The following LRCH1 variants were observed in gnomAD, a reference collection of about 807,000 sequenced individuals.
LRCH1 encodes the protein leucine rich repeats and calponin homology domain containing 1, also known as leucine-rich repeat and calponin homology domain-containing protein 1.
Under a neutral mutation model 94.9 loss-of-function variants are expected in LRCH1, and 23 were observed. That is an observed-to-expected ratio of 0.24 (90% CI 0.17 to 0.34). LRCH1 has a LOEUF of 0.34. Ranked by LOEUF, LRCH1 falls within the 10% of genes least tolerant of loss-of-function variation. The pLI is 1.00. For synonymous variants in LRCH1, 364 were observed against 354.9 expected (o/e 1.03, Z -0.29); for missense variants, 790 against 945.9 (o/e 0.84, Z 2.16).
At chr13:46,571,654 G>C (rs2050241865) in intron 1 of LRCH1, among the ~76,000 whole-genome samples, 1 of 152,154 alleles carries the variant, frequency 6.6e-6, no homozygotes, top group Non-Finnish European at 1.5e-5. Flanking sequence ...CCATCCATGA[G>C]GCTTAGAACC....
chr13:46,666,599 T>C (rs1192003745), intron 2 of LRCH1, among the ~76,000 whole-genome samples: 1 of 152,260 alleles, frequency 6.6e-6, no homozygotes, highest in Non-Finnish European at 1.5e-5. Context: ...TTTGTTCTCA[T>C]TATCCCTCTT....
chr13:46,743,961 G>C lies in LRCH1; in HGVS notation c.*2113G>C. 1.0e-6 allele frequency: 1 copy of C among 985,258 alleles called. No homozygotes were observed. Among genetic ancestry groups the C allele is most frequent in the Non-Finnish European group, 1.2e-6 (1 of 829,896 alleles). The allele number at this position is 985,258 out of a possible 1,614,324, so 61.0% of individuals were successfully genotyped here. A position where few individuals can be genotyped will look rare whatever the true frequency, so the allele number is the denominator to read the frequency against. ...CATTAATTTGTCTGTACTCTGCTGC[G>C]CTGCACTTCTTGGGATTTATTGGAT... On this transcript the variant is annotated 3_prime_UTR_variant, in exon 20 of 20. Coordinates refer to ENST00000389797, the MANE Select transcript of LRCH1 (RefSeq NM_001164211.2).
intron 2 of LRCH1, among the ~76,000 whole-genome samples, chr13:46,667,564 T>C (rs2051535049): frequency 6.7e-6 from 1 of 149,402 alleles, no homozygotes; most frequent in South Asian, 2.1e-4. Flanking sequence ...CATTAGGAGA[T>C]ATACCTAATG....
intron 1 of LRCH1, among the ~76,000 whole-genome samples, chr13:46,638,993 C>T (rs1005554486): frequency 6.6e-5 from 10 of 152,078 alleles, no homozygotes; most frequent in African/African-American, 1.4e-4. Flanking sequence ...GACTGTTTCA[C>T]GGTATATTTG....
At chr13:46,637,062 A>G (rs1190293565) in intron 1 of LRCH1, among the ~76,000 whole-genome samples, 1 of 152,090 alleles carries the variant, frequency 6.6e-6, no homozygotes, top group Non-Finnish European at 1.5e-5. Context: ...GCCCCCCAAT[A>G]TCTGCCATAG....
downstream of LRCH1, among the ~76,000 whole-genome samples, chr13:46,748,432 G>A (rs531083603): frequency 1.8e-4 from 27 of 152,192 alleles, no homozygotes; most frequent in East Asian, 5.0e-3. Context: ...GCCAGATGTC[G>A]ACTTGGGTGC....
chr13:46,594,769 C>T (rs2050540573), intron 1 of LRCH1, among the ~76,000 whole-genome samples: 1 of 152,106 alleles, frequency 6.6e-6, no homozygotes, highest in Middle Eastern at 3.2e-3. Context: ...AAGAAAGTCA[C>T]CCTCATTTTC....
At chr13:46,663,535 C>CA in intron 2 of LRCH1, among the ~76,000 whole-genome samples, 1 of 152,218 alleles carries the variant, frequency 6.6e-6, no homozygotes, top group East Asian at 1.9e-4. Context: ...CTGCTGTGTG[C>CA]ATATAAAGAC....
chr13:46,712,175 T>G (rs565940950), intron 14 of LRCH1, among the ~76,000 whole-genome samples: 1 of 152,344 alleles, frequency 6.6e-6, no homozygotes, highest in Non-Finnish European at 1.5e-5. Flanking sequence ...TTCAGTATTA[T>G]CTGTTTCCTC....
At chr13:46,681,909 G>A in intron 4 of LRCH1, 63 bp downstream of exon 4, 1 of 1,015,530 alleles carries the variant, frequency 9.8e-7, no homozygotes, top group East Asian at 2.7e-5. Context: ...GTTTTGGGGG[G>A]TTTACTTTTG....
intron 2 of LRCH1, among the ~76,000 whole-genome samples, chr13:46,665,462 A>G (rs1013029992): frequency 3.9e-5 from 6 of 152,234 alleles, no homozygotes; most frequent in Admixed American, 6.5e-5. Flanking sequence ...GAATGTTTAG[A>G]TTATATTGAG....
At chr13:46,610,042 C>G (rs755902986) in intron 1 of LRCH1, among the ~76,000 whole-genome samples, 1 of 152,046 alleles carries the variant, frequency 6.6e-6, no homozygotes, top group Non-Finnish European at 1.5e-5. Context: ...TTGTCATGGC[C>G]GGCAGTTGGG....
chr13:46,705,503 C>T (rs769080248), intron 13 of LRCH1, 199 bp downstream of exon 13: 1 of 700,792 alleles, frequency 1.4e-6, no homozygotes, highest in African/African-American at 1.8e-5. Context: ...ACCTCACCCT[C>T]TGTTGAAGAT....
intron 1 of LRCH1, among the ~76,000 whole-genome samples, chr13:46,604,645 A>G (rs1184140977): frequency 1.3e-5 from 2 of 152,200 alleles, no homozygotes; most frequent in Non-Finnish European, 2.9e-5. Context: ...GATGTTCTAC[A>G]AGGTTTATCC....
intron 1 of LRCH1, among the ~76,000 whole-genome samples, chr13:46,620,595 G>A (rs949766442): frequency 2.0e-5 from 3 of 152,142 alleles, no homozygotes; most frequent in African/African-American, 2.4e-5. Flanking sequence ...AATCAGAACG[G>A]GAGCCATGCA....
At chr13:46,579,486 G>A (rs1284910188) in intron 1 of LRCH1, among the ~76,000 whole-genome samples, 1 of 141,254 alleles carries the variant, frequency 7.1e-6, no homozygotes, top group Non-Finnish European at 1.5e-5. Context: ...AACCATATAT[G>A]CTAACTTTGT....
chr13:46,586,177 G>A (rs1174182743), intron 1 of LRCH1, among the ~76,000 whole-genome samples: 1 of 152,180 alleles, frequency 6.6e-6, no homozygotes, highest in African/African-American at 2.4e-5. Flanking sequence ...ATGACACAAA[G>A]TAAATGATTG....
chr13:46,553,384 G>T lies in LRCH1; in HGVS notation c.-13G>T, dbSNP rs1488795983. 29 of 1,523,154 alleles carry T rather than the reference G, an allele frequency of 1.9e-5. No individual in the cohort carries two copies. Among genetic ancestry groups the T allele is most frequent in the Middle Eastern group, 1.7e-4 (1 of 5,918 alleles). 94.4% of individuals were successfully genotyped at this position (1,523,154 alleles called of 1,614,324 possible). ...CAGGAGCGGCGGGGCGGGGTGGGGGGGCCCGGGAGAAGATGGCGACGCCGG... is the reference window on the plus strand; with the variant it reads ...CAGGAGCGGCGGGGCGGGGTGGGGGTGCCCGGGAGAAGATGGCGACGCCGG... On this transcript the variant is annotated 5_prime_UTR_variant, in exon 1 of 20. Coordinates refer to ENST00000389797, the MANE Select transcript of LRCH1 (RefSeq NM_001164211.2).
At chr13:46,717,784 T>C (rs1291575237) in intron 16 of LRCH1, 1 of 152,252 alleles carries the variant, frequency 6.6e-6, no homozygotes, top group Non-Finnish European at 1.5e-5. Flanking sequence ...TTGCTTTATA[T>C]AAAATTATCC....
Sources: allele counts gnomAD v4.1 joint callset (sites outside exome capture counted in the v4.1 genomes callset), GRCh38; gene constraint gnomAD v4.1.1; transcripts MANE v1.5; gene names NCBI Gene and HGNC (gene_info 2026-07-23, HGNC 2026-07-21).